OPRM1: variants seen among roughly 807,000 people sequenced by gnomAD.
The protein encoded by OPRM1 is mu-type opioid receptor.
In OPRM1, 27 loss-of-function variants were observed where a neutral mutation model predicts 31.8. The observed-to-expected ratio is 0.85, with a 90% confidence interval of 0.63 to 1.17. The LOEUF (loss-of-function observed/expected upper bound fraction) is 1.17, where lower values mean the gene tolerates loss of function less well. Ranked by LOEUF, OPRM1 falls within the 50% of genes most tolerant of loss-of-function variation. OPRM1 has a pLI of 0.00. For missense variants in OPRM1, 536 were observed against 511.1 expected, an observed-to-expected ratio of 1.05 and a Z score of -0.47; for synonymous variants, 196 against 189.9, an observed-to-expected ratio of 1.03 and a Z score of -0.26.
At chr6:154,229,305 G>T in intron 3 of OPRM1, among the ~76,000 whole-genome samples, 1 of 148,722 alleles carries the variant, frequency 6.7e-6, no homozygotes, top group Non-Finnish European at 1.5e-5. Context: ...ACAATAAAGT[G>T]TTAAAATGAG....
At chr6:154,087,949 A>G (rs1262863321) in intron 1 of OPRM1, 3 of 152,216 alleles carry the variant, frequency 2.0e-5, no homozygotes, top group African/African-American at 2.4e-5. Flanking sequence ...TTGAAAACAT[A>G]TAACACTCCT....
upstream of OPRM1, among the ~76,000 whole-genome samples, chr6:154,035,513 TC>T (rs1779253123): frequency 6.6e-6 from 1 of 152,148 alleles, no homozygotes; most frequent in East Asian, 1.9e-4. Context: ...ACCTTGGATG[TC>T]CCATTTTTCT....
At chr6:154,198,396 C>T (rs1583775377) in intron 3 of OPRM1, among the ~76,000 whole-genome samples, 2 of 152,290 alleles carry the variant, frequency 1.3e-5, no homozygotes, top group East Asian at 3.9e-4. Context: ...CCCTATGCTA[C>T]TCATTCACCT....
At position 154,091,551 on chromosome 6, in the gene OPRM1, A is replaced by T. The variant is rs979890814; in HGVS notation, c.1164+79A>T. 8 of 1,500,718 alleles carry T rather than the reference A, an allele frequency of 5.3e-6. No individual in the cohort carries two copies. In the African/African-American group the frequency reaches 9.7e-5, roughly 18 times the overall value. The allele number at this position is 1,500,718 out of a possible 1,614,324, so 93.0% of individuals were successfully genotyped here. A position where few individuals can be genotyped will look rare whatever the true frequency, so the allele number is the denominator to read the frequency against. ...AGGCTTTGTGCTAAACTAGGAGTTT[A>T]ATCCATTATAGAGGATGAGAATGGA... On this transcript the variant is annotated intron_variant, in intron 3 of 3. Coordinates refer to ENST00000330432, the MANE Select transcript of OPRM1 (RefSeq NM_000914.5).
chr6:154,089,428 G>A (rs1791466123), intron 1 of OPRM1, among the ~76,000 whole-genome samples: 1 of 151,916 alleles, frequency 6.6e-6, no homozygotes, highest in African/African-American at 2.4e-5. Context: ...CCCTACAAAA[G>A]TTTTTTAAAA....
chr6:154,074,048 A>T (rs1327827048), intron 1 of OPRM1: 3 of 152,172 alleles, frequency 2.0e-5, no homozygotes, highest in Non-Finnish European at 2.9e-5. Context: ...AAAAGAGAGA[A>T]TTTTTTCTAT....
chr6:154,061,602 A>G (rs1003402574), intron 1 of OPRM1, among the ~76,000 whole-genome samples: 11 of 152,170 alleles, frequency 7.2e-5, no homozygotes, highest in Non-Finnish European at 1.2e-4. Flanking sequence ...TCTCACTTAT[A>G]AGTGAGAGCT....
chr6:154,021,931 CT>C (rs1778399489), intron 1 of OPRM1, among the ~76,000 whole-genome samples: 1 of 151,828 alleles, frequency 6.6e-6, no homozygotes, highest in East Asian at 1.9e-4. Flanking sequence ...TTTTCTTCTT[CT>C]TCCCAATCTG....
chr6:154,165,625 G>A (rs571257971), intron 3 of OPRM1, among the ~76,000 whole-genome samples: 2 of 152,356 alleles, frequency 1.3e-5, no homozygotes, highest in African/African-American at 4.8e-5. Context: ...CCCTAGCTGG[G>A]TGGGGCAGGC....
chr6:154,173,954 T>C (rs1800084900), intron 3 of OPRM1, among the ~76,000 whole-genome samples: 1 of 152,150 alleles, frequency 6.6e-6, no homozygotes. Flanking sequence ...GGGAAGCCCA[T>C]CAGACTAACA....
rs1324685478 is a variant in OPRM1 at position 154,131,782 on chromosome 6, C to T, written c.*13061C>T. On this transcript the variant is annotated 3_prime_UTR_variant, in exon 4 of 4. Coordinates refer to ENST00000330432, the MANE Select transcript of OPRM1 (RefSeq NM_000914.5). ...TGTGTGTTTTTAAGCTCTTTCCCCA[C>T]ATCTGCTTTTCAAAAATATTTGCCT... 1.3e-5 allele frequency among the ~76,000 whole-genome samples: 2 copies of T among 152,166 alleles called. No individual in the cohort carries two copies. The highest frequency in any genetic ancestry group is 2.9e-5 in the Non-Finnish European group (2 of 68,028).
intron 3 of OPRM1, among the ~76,000 whole-genome samples, chr6:154,243,337 A>T (rs980107177): frequency 6.6e-6 from 1 of 152,162 alleles, no homozygotes; most frequent in African/African-American, 2.4e-5. Context: ...GTTTTGTAGG[A>T]CTTGTGTGCC....
intron 3 of OPRM1, among the ~76,000 whole-genome samples, chr6:154,113,392 A>G (rs1460165472): frequency 6.6e-6 from 1 of 152,204 alleles, no homozygotes; most frequent in Admixed American, 6.5e-5. Context: ...CAAGGACTCA[A>G]AGATGAACCA....
At chr6:154,196,087 G>A (rs1046048205) in intron 3 of OPRM1, among the ~76,000 whole-genome samples, 17 of 152,076 alleles carry the variant, frequency 1.1e-4, no homozygotes, top group African/African-American at 4.1e-4. Flanking sequence ...ACCCTGCCCA[G>A]TCCCCCTGGT....
chr6:154,069,860 G>A (rs954646194), intron 1 of OPRM1, among the ~76,000 whole-genome samples: 6 of 151,910 alleles, frequency 3.9e-5, no homozygotes, highest in African/African-American at 1.2e-4. Context: ...CCTCTCCCTC[G>A]GCTTGTTAGT....
At chr6:154,102,317 G>T (rs971972257) in intron 3 of OPRM1, among the ~76,000 whole-genome samples, 10 of 152,102 alleles carry the variant, frequency 6.6e-5, no homozygotes, top group Non-Finnish European at 1.3e-4. Context: ...TCATCTGTAA[G>T]AAAGGTAATA....
At chr6:154,152,748 GA>G (rs1432571010) in intron 3 of OPRM1, among the ~76,000 whole-genome samples, 7 of 151,822 alleles carry the variant, frequency 4.6e-5, no homozygotes, top group Non-Finnish European at 1.0e-4. Context: ...TTTTATTTTT[GA>G]GACCAGGTCT....
chr6:154,138,770 C>T (rs150118512), intron 3 of OPRM1, among the ~76,000 whole-genome samples: 45 of 152,326 alleles, frequency 3.0e-4, no homozygotes, highest in African/African-American at 8.9e-4. Flanking sequence ...GGGTACTAGA[C>T]GACTAACATT....
In OPRM1 at chr6:154,131,783, A is replaced by G. The variant is rs367973952; in HGVS notation, c.*13062A>G. Among the ~76,000 whole-genome samples the G allele has an allele frequency of 6.6e-6, 1 of 152,208 alleles. No homozygotes were observed. The highest frequency in any genetic ancestry group is 2.1e-4 in the South Asian group (1 of 4,828). On this transcript the variant is annotated 3_prime_UTR_variant, in exon 4 of 4. Transcript: ENST00000330432. Reference sequence around the variant, plus strand: ...GTGTGTTTTTAAGCTCTTTCCCCACATCTGCTTTTCAAAAATATTTGCCTG... The same window carrying G: ...GTGTGTTTTTAAGCTCTTTCCCCACGTCTGCTTTTCAAAAATATTTGCCTG...
Sources: allele counts gnomAD v4.1 joint callset (sites outside exome capture counted in the v4.1 genomes callset), GRCh38; gene constraint gnomAD v4.1.1; transcripts MANE v1.5; gene names NCBI Gene and HGNC (gene_info 2026-07-23, HGNC 2026-07-21).